PCDH9: variants seen among roughly 807,000 people sequenced by gnomAD.
PCDH9 encodes protocadherin 9, also known as protocadherin-9.
Under a neutral mutation model 70.6 loss-of-function variants are expected in PCDH9, and 24 were observed. That is an observed-to-expected ratio of 0.34 (90% CI 0.25 to 0.48). PCDH9 has a LOEUF of 0.48. Ranked by LOEUF, PCDH9 falls within the 20% of genes least tolerant of loss-of-function variation. PCDH9 has a pLI of 0.99. For missense variants in PCDH9, 1,281 were observed against 1,503.6 expected, an observed-to-expected ratio of 0.85 and a Z score of 2.45; for synonymous variants, 562 against 558.5, an observed-to-expected ratio of 1.01 and a Z score of -0.09.
chr13:67,027,413 T>C (rs1209609321), intron 2 of PCDH9, among the ~76,000 whole-genome samples: 2 of 152,232 alleles, frequency 1.3e-5, no homozygotes, highest in South Asian at 2.1e-4. Context: ...ATACAAAAAT[T>C]AATTCAAGAT....
chr13:66,902,014 T>C (rs1292147415), intron 3 of PCDH9, among the ~76,000 whole-genome samples: 2 of 151,702 alleles, frequency 1.3e-5, no homozygotes, highest in Non-Finnish European at 3.0e-5. Flanking sequence ...TCTTTACTTA[T>C]GAGAAAAAAT....
chr13:66,891,737 T>C (rs1447108289), intron 3 of PCDH9, among the ~76,000 whole-genome samples: 2 of 152,156 alleles, frequency 1.3e-5, no homozygotes, highest in Non-Finnish European at 2.9e-5. Flanking sequence ...TGAATGTGGA[T>C]TAAATTCACA....
chr13:67,101,254 C>T (rs1296611776), intron 2 of PCDH9, among the ~76,000 whole-genome samples: 1 of 152,168 alleles, frequency 6.6e-6, no homozygotes, highest in African/African-American at 2.4e-5. Context: ...TATTTTAAAA[C>T]TGTATTTGTG....
intron 2 of PCDH9, chr13:67,207,914 G>A (rs1356508282): frequency 1.3e-5 from 2 of 152,000 alleles, no homozygotes; most frequent in African/African-American, 4.8e-5. Context: ...CATTGCTTTT[G>A]TTCCAATTCC....
At position 66,303,205 on chromosome 13, in the gene PCDH9, CTATT is replaced by C. The variant is rs1402389882; in HGVS notation, c.*1446_*1449del. On this transcript the variant is annotated 3_prime_UTR_variant, in exon 5 of 5. Coordinates refer to ENST00000377865, the MANE Select transcript of PCDH9 (RefSeq NM_203487.3). ...TTCAATAAAGACATTTTGTTGCATG[CTATT>C]TATTTGTTTAAATCATCTGTCATGC... 3 of 151,580 alleles carry C rather than the reference CTATT, an allele frequency of 2.0e-5. No individual in the cohort carries two copies. The highest frequency in any genetic ancestry group is 7.3e-5 in the African/African-American group (3 of 41,136). 9.4% of individuals were successfully genotyped at this position (151,580 alleles called of 1,614,324 possible). A position where few individuals can be genotyped will look rare whatever the true frequency, so the allele number is the denominator to read the frequency against.
chr13:66,713,629 A>G (rs61961014), intron 3 of PCDH9, among the ~76,000 whole-genome samples: 24 of 67,264 alleles, frequency 3.6e-4, no homozygotes, highest in South Asian at 2.1e-3. Context: ...GTGTGTGTAT[A>G]TATATATATA....
Position 67,227,977 on chromosome 13 carries a change from G to A in PCDH9, c.464C>T (p.Thr155Ile). ...PVINISIPEN[T>I]LINSRFPIPS... ...AATTGGAAAGCGGCTGTTGATCAAA[G>A]TGTTTTCTGGAATGGAAATATTGAT... Residue 155 changes from threonine to isoleucine, a missense_variant, in exon 2 of 5, where the codon ACT (threonine) becomes ATT (isoleucine). Around this residue, in one of 4 missense-constraint regions of PCDH9, gnomAD observed 798 missense variants for 1,003.1 expected, o/e 0.80. Coordinates refer to ENST00000377865, the MANE Select transcript of PCDH9 (RefSeq NM_203487.3). This position sits in a 1 kb window ranked among gnomAD's most constrained non-coding sequence, Gnocchi z 4.6. 6.2e-7 allele frequency: 1 copy of A among 1,614,106 alleles called. No homozygotes were observed. Among genetic ancestry groups the A allele is most frequent in the Non-Finnish European group, 8.5e-7 (1 of 1,180,028 alleles).
chr13:66,429,795 G>A (rs192290004), intron 4 of PCDH9, among the ~76,000 whole-genome samples: 1 of 152,064 alleles, frequency 6.6e-6, no homozygotes, highest in Non-Finnish European at 1.5e-5. Context: ...ACAGACAAGG[G>A]CACATCAGTG....
intron 3 of PCDH9, among the ~76,000 whole-genome samples, chr13:66,786,206 C>T (rs367757899): frequency 2.6e-5 from 4 of 152,122 alleles, no homozygotes; most frequent in Non-Finnish European, 4.4e-5. Context: ...ATTATTTGAG[C>T]TGTTTACCTA....
intron 3 of PCDH9, among the ~76,000 whole-genome samples, chr13:66,839,886 C>T (rs1418808087): frequency 1.3e-5 from 2 of 152,200 alleles, no homozygotes; most frequent in Non-Finnish European, 2.9e-5. Flanking sequence ...ATAGTTGGAA[C>T]TATGAAGTAG....
At chr13:66,506,678 C>T (rs1031986638) in intron 4 of PCDH9, among the ~76,000 whole-genome samples, 1 of 152,088 alleles carries the variant, frequency 6.6e-6, no homozygotes, top group Non-Finnish European at 1.5e-5. Context: ...CATTATGGCG[C>T]TACACACTAA....
chr13:66,407,153 C>T (rs1027678568), intron 4 of PCDH9, among the ~76,000 whole-genome samples: 1 of 152,204 alleles, frequency 6.6e-6, no homozygotes. Context: ...TTCATCATTT[C>T]TCCTCGGAGA....
At chr13:66,938,823 T>C (rs1385289582) in intron 2 of PCDH9, among the ~76,000 whole-genome samples, 1 of 152,178 alleles carries the variant, frequency 6.6e-6, no homozygotes, top group African/African-American at 2.4e-5. Flanking sequence ...TCCGTCTACA[T>C]GCAAACTTCA....
intron 3 of PCDH9, among the ~76,000 whole-genome samples, chr13:66,737,957 A>G (rs1472195580): frequency 3.9e-5 from 6 of 152,130 alleles, no homozygotes; most frequent in Non-Finnish European, 7.4e-5. Flanking sequence ...TTAGGTAAAC[A>G]AAGCAGCCAG....
intron 4 of PCDH9, among the ~76,000 whole-genome samples, chr13:66,484,689 A>G (rs1244146214): frequency 6.6e-6 from 1 of 152,218 alleles, no homozygotes; most frequent in Non-Finnish European, 1.5e-5. Context: ...ACATGTAGGT[A>G]TAACGAGAGA....
intron 4 of PCDH9, among the ~76,000 whole-genome samples, chr13:66,565,981 G>T (rs1203163099): frequency 6.6e-6 from 1 of 152,114 alleles, no homozygotes; most frequent in Non-Finnish European, 1.5e-5. Context: ...TTCTTAGTTT[G>T]TATGTTTGTT....
intron 3 of PCDH9, among the ~76,000 whole-genome samples, chr13:66,874,942 T>TGTGTGTGAGA (rs533672911): frequency 1.6e-4 from 18 of 110,024 alleles, no homozygotes; most frequent in East Asian, 2.9e-4. Flanking sequence ...TGTGTGTGTG[T>TGTGTGTGAGA]GAGAGAGAGA....
At chr13:66,904,717 T>C (rs2139601655) in intron 2 of PCDH9, among the ~76,000 whole-genome samples, 1 of 152,074 alleles carries the variant, frequency 6.6e-6, no homozygotes, top group South Asian at 2.1e-4. Flanking sequence ...TAAAAGCAAA[T>C]GTGTTTTAGA....
chr13:66,883,035 AT>A lies in PCDH9; in HGVS notation c.3138+20468del, dbSNP rs149165340. Reference sequence around the variant, plus strand: ...CAGATAAAATTAAATACTTTTTCTCATTTTTCTCATCTTTTATTTTCAACAC... The same window carrying A: ...CAGATAAAATTAAATACTTTTTCTCATTTTCTCATCTTTTATTTTCAACAC... On this transcript the variant is annotated intron_variant, in intron 3 of 4. Coordinates refer to ENST00000377865, the MANE Select transcript of PCDH9 (RefSeq NM_203487.3). Among the ~76,000 whole-genome samples the A allele has an allele frequency of 8.0e-3, 1,217 of 152,138 alleles. 16 individuals are homozygous for A. Among genetic ancestry groups the A allele is most frequent in the African/African-American group, 0.027 (1,134 of 41,494 alleles).
Sources: gnomAD v4.1 joint callset for allele counts (sites outside exome capture counted in the v4.1 genomes callset) on GRCh38, gnomAD v4.1.1 for gene constraint, gnomAD v4.1.1 regional missense constraint, Gnocchi (gnomAD v3.1) non-coding constraint, MANE v1.5 for transcripts, NCBI Gene and HGNC (gene_info 2026-07-23, HGNC 2026-07-21) for gene names.